THEMIS: variants seen among roughly 807,000 people sequenced by gnomAD.
The protein encoded by THEMIS is thymocyte selection associated.
THEMIS carries 37 observed loss-of-function variants against 52.6 expected under a neutral mutation model. The observed-to-expected ratio is 0.70, with a 90% CI of 0.54 to 0.93. The LOEUF is 0.93. Ranked by LOEUF, THEMIS falls within the 40% of genes least tolerant of loss-of-function variation. The probability of loss-of-function intolerance (pLI) is 0.00; values close to 1 mark genes in which losing one functional copy is unlikely to be tolerated. For synonymous variants in THEMIS, 292 were observed against 272.7 expected, an observed-to-expected ratio of 1.07 and a Z score of -0.70; for missense variants, 808 against 763.1, an observed-to-expected ratio of 1.06 and a Z score of -0.69.
At chr6:127,787,872 TAGATAGATATAG>T (rs1164332928) in intron 4 of THEMIS, among the ~76,000 whole-genome samples, 1 of 123,678 alleles carries the variant, frequency 8.1e-6, no homozygotes, top group African/African-American at 3.0e-5. Context: ...GATAGATAGA[TAGATAGATATAG>T]ATAGATAGAT....
At chr6:127,912,528 T>C (rs1781435483) in intron 1 of THEMIS, among the ~76,000 whole-genome samples, 1 of 152,166 alleles carries the variant, frequency 6.6e-6, no homozygotes, top group Non-Finnish European at 1.5e-5. Flanking sequence ...GAGTCACATA[T>C]GTAGGCTGAG....
chr6:127,697,863 T>C, the THEMIS span, among the ~76,000 whole-genome samples: 1 of 152,174 alleles, frequency 6.6e-6, no homozygotes, highest in African/African-American at 2.4e-5. Context: ...CATTCTACTA[T>C]ATATTTTATT....
Position 127,823,388 on chromosome 6 carries a change from A to G in THEMIS, c.709+6088T>C, listed in dbSNP as rs1036326706. Among the ~76,000 whole-genome samples the G allele has an allele frequency of 7.9e-5, 12 of 152,190 alleles. 1 individual carries two copies. Among genetic ancestry groups the G allele is most frequent in the African/African-American group, 2.9e-4 (12 of 41,440 alleles). On this transcript the variant is annotated intron_variant, in intron 3 of 5. Coordinates refer to ENST00000368248, the MANE Select transcript of THEMIS (RefSeq NM_001010923.3). Reference sequence around the variant, plus strand: ...TTTTCCTTAGCTATTGAACTCATAAATATGTCATCATAATAAGTCAAATCT... The same window carrying G: ...TTTTCCTTAGCTATTGAACTCATAAGTATGTCATCATAATAAGTCAAATCT...
chr6:127,907,905 T>C (rs192095198), intron 1 of THEMIS, among the ~76,000 whole-genome samples: 2 of 152,184 alleles, frequency 1.3e-5, no homozygotes, highest in East Asian at 3.9e-4. Flanking sequence ...TTTTTTATAT[T>C]TTTAGTAAAG....
At chr6:127,889,681 A>C (rs1339271727) in intron 1 of THEMIS, among the ~76,000 whole-genome samples, 2 of 151,852 alleles carry the variant, frequency 1.3e-5, no homozygotes, top group Non-Finnish European at 3.0e-5. Flanking sequence ...AATATTAAAA[A>C]TCCTAATTTA....
upstream of THEMIS, among the ~76,000 whole-genome samples, chr6:127,903,430 T>C (rs1781194275): frequency 6.6e-6 from 1 of 151,960 alleles, no homozygotes; most frequent in South Asian, 2.1e-4. Flanking sequence ...AGACTGTATA[T>C]AATAATTTAC....
intron 1 of THEMIS, among the ~76,000 whole-genome samples, chr6:127,888,215 C>T (rs978706102): frequency 1.3e-5 from 2 of 151,952 alleles, no homozygotes; most frequent in Admixed American, 6.6e-5. Flanking sequence ...AATAATGCAA[C>T]ATGGAGACAA....
intron 4 of THEMIS, among the ~76,000 whole-genome samples, chr6:127,788,452 TA>T (rs1328033698): frequency 2.0e-5 from 3 of 152,180 alleles, no homozygotes; most frequent in African/African-American, 7.2e-5. Context: ...AGGAAAAAAT[TA>T]AAATGCTTTA....
the THEMIS span, among the ~76,000 whole-genome samples, chr6:127,699,830 T>C: frequency 6.6e-6 from 1 of 151,864 alleles, no homozygotes; most frequent in Admixed American, 6.6e-5. Flanking sequence ...AAACAGATCA[T>C]ATACCTAAAT....
intron 1 of THEMIS, among the ~76,000 whole-genome samples, chr6:127,886,231 T>G (rs1221792449): frequency 6.6e-6 from 1 of 152,174 alleles, no homozygotes; most frequent in Non-Finnish European, 1.5e-5. Context: ...ATTCCCAGCA[T>G]GCTTTGTAAA....
chr6:127,749,200 T>C (rs2114326481), intron 4 of THEMIS, among the ~76,000 whole-genome samples: 1 of 152,210 alleles, frequency 6.6e-6, no homozygotes, highest in South Asian at 2.1e-4. Flanking sequence ...TTTTCTTTTA[T>C]CTGAAAAAGC....
chr6:127,773,671 TAAAG>T (rs1209040810), intron 4 of THEMIS, among the ~76,000 whole-genome samples: 1 of 151,942 alleles, frequency 6.6e-6, no homozygotes, highest in East Asian at 1.9e-4. Context: ...GCAACCTTAA[TAAAG>T]AAGCCAAAAA....
In THEMIS at chr6:127,813,056, T is replaced by A; in HGVS notation, c.1585A>T (p.Arg529Trp). ...FSRDAEPFLV[R>W]TLVEEITEEQ... ...TCAGTGATCTCTTCTACCAGAGTCCTGACTAGAAATGGTTCTGCATCCCTA... is the reference window on the plus strand; with the variant it reads ...TCAGTGATCTCTTCTACCAGAGTCCAGACTAGAAATGGTTCTGCATCCCTA... Residue 529 changes from arginine (R) to tryptophan (W), a missense_variant, in exon 4 of 6, where the codon AGG (arginine) becomes TGG (tryptophan). By Grantham distance (101) the Arg-to-Trp change is moderately radical. Transcript: ENST00000368248. 1.9e-6 allele frequency: 3 copies of A among 1,614,152 alleles called. No individual in the cohort carries two copies. The South Asian group carries it at 3.3e-5, about 18-fold the overall frequency.
intron 1 of THEMIS, among the ~76,000 whole-genome samples, chr6:127,910,999 G>A (rs1290819171): frequency 6.6e-6 from 1 of 152,036 alleles, no homozygotes; most frequent in Admixed American, 6.6e-5. Context: ...TGTAGAATGT[G>A]CCTCAATTTC....
chr6:127,851,252 C>T (rs766934915), intron 2 of THEMIS, among the ~76,000 whole-genome samples: 1 of 150,218 alleles, frequency 6.7e-6, no homozygotes, highest in African/African-American at 2.4e-5. Flanking sequence ...ATGGCAAAAA[C>T]TTTCAAAATT....
intron 4 of THEMIS, among the ~76,000 whole-genome samples, chr6:127,729,915 T>C (rs1774702125): frequency 6.6e-6 from 1 of 152,164 alleles, no homozygotes; most frequent in Non-Finnish European, 1.5e-5. Flanking sequence ...CTACCAATTT[T>C]GCAAAGATTT....
Position 127,887,920 on chromosome 6 carries a change from G to A in THEMIS, c.91+12922C>T, listed in dbSNP as rs190489021. ...AAAACATGCTATACCTAACTTATAC[G>A]TAAGAAAGAGCTAGGTGCTTCAGTA... On this transcript the variant is annotated intron_variant, in intron 1 of 5. Transcript: ENST00000368248. Among the ~76,000 whole-genome samples the A allele has an allele frequency of 9.9e-5, 15 of 152,142 alleles. No homozygotes were observed. The South Asian group carries it at 1.0e-3, about 11-fold the overall frequency.
chr6:127,710,125 G>A, intron 5 of THEMIS, 109 bp from the exon 6 acceptor site: 32 of 580,192 alleles, frequency 5.5e-5, no homozygotes, highest in South Asian at 2.6e-4. Flanking sequence ...TGGTTTTTGA[G>A]AAACGGTTGG....
intron 3 of THEMIS, among the ~76,000 whole-genome samples, chr6:127,825,849 CTT>C (rs1778489557): frequency 6.6e-6 from 1 of 151,416 alleles, no homozygotes; most frequent in African/African-American, 2.4e-5. Context: ...TGCTCTAAGA[CTT>C]AGGATAAAAT....
Sources: gnomAD v4.1 joint callset for allele counts (sites outside exome capture counted in the v4.1 genomes callset) on GRCh38, gnomAD v4.1.1 for gene constraint, MANE v1.5 for transcripts, NCBI Gene and HGNC (gene_info 2026-07-23, HGNC 2026-07-21) for gene names.